The following CNTNAP5 variants were observed in gnomAD, a reference collection of about 807,000 sequenced individuals.
CNTNAP5 encodes the protein contactin associated protein family member 5.
A neutral mutation model predicts 150.2 loss-of-function variants in CNTNAP5; 72 were observed. The ratio of observed to expected loss-of-function variants is 0.48; its 90% confidence interval spans 0.40 to 0.58. CNTNAP5 has a LOEUF of 0.58. Among genes scored for constraint, CNTNAP5 ranks in the 20% least tolerant of loss-of-function variants. The probability of loss-of-function intolerance (pLI) is 0.00; values close to 1 mark genes in which losing one functional copy is unlikely to be tolerated. For missense variants in CNTNAP5, 1,636 were observed against 1,626.2 expected (o/e 1.01, Z -0.10); for synonymous variants, 672 against 619.8 (o/e 1.08, Z -1.25).
intron 3 of CNTNAP5, among the ~76,000 whole-genome samples, chr2:124,300,165 G>T (rs1324273922): frequency 6.6e-6 from 1 of 152,106 alleles, no homozygotes; most frequent in Non-Finnish European, 1.5e-5. Flanking sequence ...ACTCATTCCA[G>T]CTCTGTGGAT....
intron 1 of CNTNAP5, among the ~76,000 whole-genome samples, chr2:124,203,459 C>T (rs1473405382): frequency 6.6e-6 from 1 of 152,186 alleles, no homozygotes; most frequent in African/African-American, 2.4e-5. Flanking sequence ...CACAGATCCA[C>T]TAGGAAGTGC....
chr2:124,710,915 T>C (rs748139069), intron 13 of CNTNAP5, among the ~76,000 whole-genome samples: 2 of 152,216 alleles, frequency 1.3e-5, no homozygotes, highest in Non-Finnish European at 2.9e-5. Context: ...GCATTCATGT[T>C]GTAGTAGATT....
At chr2:124,899,349 AGGT>A (rs1678370409) in intron 21 of CNTNAP5, among the ~76,000 whole-genome samples, 1 of 151,558 alleles carries the variant, frequency 6.6e-6, no homozygotes. Flanking sequence ...TCATCAACTT[AGGT>A]AGACCTAATT....
chr2:124,047,811 G>T (rs1681578752), intron 1 of CNTNAP5, among the ~76,000 whole-genome samples: 1 of 152,106 alleles, frequency 6.6e-6, no homozygotes, highest in African/African-American at 2.4e-5. Flanking sequence ...TGTCTGTTGT[G>T]TGTAGACAGT....
intron 19 of CNTNAP5, among the ~76,000 whole-genome samples, chr2:124,803,776 G>A (rs1299715174): frequency 6.6e-6 from 1 of 152,172 alleles, no homozygotes; most frequent in Non-Finnish European, 1.5e-5. Flanking sequence ...AAGCCAGGGA[G>A]GGAGCATTTT....
chr2:124,823,154 C>A (rs776446578), intron 19 of CNTNAP5, among the ~76,000 whole-genome samples: 1 of 152,126 alleles, frequency 6.6e-6, no homozygotes, highest in Admixed American at 6.5e-5. Flanking sequence ...CCTGGCACAC[C>A]GCTTATATGG....
At chr2:124,833,269 G>A (rs1682757760) in intron 19 of CNTNAP5, among the ~76,000 whole-genome samples, 1 of 152,082 alleles carries the variant, frequency 6.6e-6, no homozygotes, top group Non-Finnish European at 1.5e-5. Flanking sequence ...TTTTGTCAAG[G>A]AGTGTAAATA....
chr2:124,890,861 T>A (rs1022150363), intron 21 of CNTNAP5, among the ~76,000 whole-genome samples: 2 of 152,050 alleles, frequency 1.3e-5, no homozygotes, highest in Non-Finnish European at 2.9e-5. Context: ...GAGACATACA[T>A]GGGTGGGGAG....
intron 14 of CNTNAP5, among the ~76,000 whole-genome samples, chr2:124,748,047 G>A (rs879791446): frequency 6.6e-6 from 1 of 151,710 alleles, no homozygotes; most frequent in African/African-American, 2.4e-5. Flanking sequence ...ATATGTTTTG[G>A]GGGGAGAGAG....
chr2:124,575,125 G>A lies in CNTNAP5; in HGVS notation c.1756+11802G>A, dbSNP rs779938090. Among the ~76,000 whole-genome samples, 60 of 152,142 alleles carry A rather than the reference G, an allele frequency of 3.9e-4. 1 individual carries two copies. The highest frequency in any genetic ancestry group is 2.1e-4 in the South Asian group (1 of 4,818). On this transcript the variant is annotated intron_variant, in intron 11 of 23. Transcript: ENST00000682447. The stretch of plus-strand genomic sequence containing the variant: ...GGCAAGTACGCTTTAATGTACAGAG[G>A]AAAGTCATGAGATGTACAATGGTTT...
Position 124,917,023 on chromosome 2 carries a change from T to C in CNTNAP5, c.*2735T>C, listed in dbSNP as rs915196279. ...CTCAGTGGTACCAAGATCTATGTAG[T>C]TTTATGTAATTGTTCAATTGTGTGA... is the stretch of plus-strand genomic sequence containing the variant. On this transcript the variant is annotated 3_prime_UTR_variant, in exon 24 of 24. Coordinates refer to ENST00000682447, the MANE Select transcript of CNTNAP5 (RefSeq NM_001367498.1). 6.6e-6 allele frequency among the ~76,000 whole-genome samples: 1 copy of C among 152,080 alleles called. No individual in the cohort carries two copies. Among genetic ancestry groups the C allele is most frequent in the African/African-American group, 2.4e-5 (1 of 41,436 alleles).
intron 1 of CNTNAP5, among the ~76,000 whole-genome samples, chr2:124,193,797 G>A (rs1447048166): frequency 2.6e-5 from 4 of 152,088 alleles, no homozygotes; most frequent in Non-Finnish European, 5.9e-5. Context: ...CCAGACCTGA[G>A]GTTTGACTCT....
At chr2:124,408,784 G>A (rs1691665847) in intron 3 of CNTNAP5, among the ~76,000 whole-genome samples, 2 of 151,800 alleles carry the variant, frequency 1.3e-5, no homozygotes, top group Admixed American at 6.6e-5. Context: ...CAAAGATGGG[G>A]AAAAAACAGA....
rs1354003493 is a variant in CNTNAP5, at chr2:124,859,370, T to C, written c.3218-5936T>C. Among the ~76,000 whole-genome samples, 3 of 152,260 alleles carry C rather than the reference T, an allele frequency of 2.0e-5. No individual in the cohort carries two copies. The South Asian group carries it at 6.2e-4, about 32-fold the overall frequency. On this transcript the variant is annotated intron_variant, in intron 19 of 23. Transcript: ENST00000682447. ...AAAACCACAATGAGATACCATCTCATACCAGTTAGAATGGCAATCATTAAA... is the reference window on the plus strand; with the variant it reads ...AAAACCACAATGAGATACCATCTCACACCAGTTAGAATGGCAATCATTAAA...
intron 3 of CNTNAP5, among the ~76,000 whole-genome samples, chr2:124,310,256 G>T (rs1409261540): frequency 2.0e-5 from 3 of 151,984 alleles, no homozygotes; most frequent in Non-Finnish European, 4.4e-5. Flanking sequence ...AATGCATTGC[G>T]GTCCCTGATG....
intron 19 of CNTNAP5, among the ~76,000 whole-genome samples, chr2:124,850,691 G>A (rs1173183813): frequency 6.6e-6 from 1 of 152,142 alleles, no homozygotes; most frequent in African/African-American, 2.4e-5. Context: ...CGAGCCCGGG[G>A]ACTTTAACAT....
intron 21 of CNTNAP5, among the ~76,000 whole-genome samples, chr2:124,894,559 CTT>C (rs200027631): frequency 7.0e-6 from 1 of 142,120 alleles, no homozygotes. Flanking sequence ...TTTTCTTTTT[CTT>C]TTTTTTTTTT....
chr2:124,517,130 A>T (rs1188730523), intron 8 of CNTNAP5, among the ~76,000 whole-genome samples: 1 of 151,700 alleles, frequency 6.6e-6, no homozygotes, highest in Non-Finnish European at 1.5e-5. Context: ...TTGGTGATGG[A>T]GTGCTGTGGT....
At chr2:124,623,321 T>C (rs1459318897) in intron 12 of CNTNAP5, among the ~76,000 whole-genome samples, 1 of 152,150 alleles carries the variant, frequency 6.6e-6, no homozygotes, top group Non-Finnish European at 1.5e-5. Flanking sequence ...GGGATGGCCA[T>C]GTCTCCCCAT....
Sources: gnomAD v4.1 joint callset for allele counts (sites outside exome capture counted in the v4.1 genomes callset) on GRCh38, gnomAD v4.1.1 for gene constraint, MANE v1.5 for transcripts, NCBI Gene and HGNC (gene_info 2026-07-23, HGNC 2026-07-21) for gene names.